NOC3L: variants seen among roughly 807,000 people sequenced by gnomAD.
The protein encoded by NOC3L is nucleolar complex protein 3 homolog.
Under a neutral mutation model 102.5 loss-of-function variants are expected in NOC3L, and 85 were observed. The observed-to-expected ratio is 0.83, with a 90% CI of 0.70 to 0.99. The LOEUF (loss-of-function observed/expected upper bound fraction) is 0.99, where lower values mean the gene tolerates loss of function less well. NOC3L is among the 50% of genes least tolerant of loss of function. The pLI is 0.00. For synonymous variants in NOC3L, 303 were observed against 309.4 expected, an observed-to-expected ratio of 0.98 and a Z score of 0.22; for missense variants, 878 against 914.9, an observed-to-expected ratio of 0.96 and a Z score of 0.52.
At position 94,357,327 on chromosome 10, in the gene NOC3L, G is replaced by A; in HGVS notation, c.355C>T (p.Pro119Ser). The A allele has an allele frequency of 6.3e-7, 1 of 1,584,564 alleles. No homozygotes were observed. The change falls in exon 4 of 21, where the codon CCT becomes TCT. Residue 119 changes from proline to serine, a missense_variant. Coordinates refer to ENST00000371361, the MANE Select transcript of NOC3L (RefSeq NM_022451.11). ...TGCTTCCGTTTCTTCGCATGAACAG[G>A]CTCACTGCAGGGGAAAAAAAGATCA... Reference protein sequence around the residue: ...FLTRDLSSSEPVHAKKRKHER... With the variant: ...FLTRDLSSSESVHAKKRKHER...
rs988063111 is a variant in NOC3L, at chr10:94,344,416, T to C, written c.1570A>G (p.Lys524Glu). The change falls in exon 13 of 21, where the codon AAG (lysine) becomes GAG (glutamate). Residue 524 changes from lysine (K) to glutamate (E), a missense_variant and splice_region_variant. Lys to Glu is a moderately conservative substitution (Grantham distance 56). Transcript: ENST00000371361. ...LLPAVLEGLA[K>E]FAHLINVEFF... ...GATTTCAACCTACACAGCCCTTACT[T>C]GGCAAGACCTTCTAGAACTGCTGGC... 14 of 1,607,736 alleles carry C rather than the reference T, an allele frequency of 8.7e-6. No individual in the cohort carries two copies. The highest frequency in any genetic ancestry group is 1.7e-5 in the Admixed American group (1 of 59,842).
intron 13 of NOC3L, among the ~76,000 whole-genome samples, chr10:94,343,411 C>T (rs957109611): frequency 1.4e-4 from 22 of 152,126 alleles, no homozygotes; most frequent in African/African-American, 5.1e-4. Flanking sequence ...GCAAGTCCTA[C>T]ACAATGTAGG....
rs1296332337 is a variant in NOC3L, at chr10:94,350,150, A to G, written c.1091T>C (p.Val364Ala). The change falls in exon 9 of 21, where the codon GTA (valine) becomes GCA (alanine). Residue 364 changes from valine to alanine, a missense_variant. Coordinates refer to ENST00000371361, the MANE Select transcript of NOC3L (RefSeq NM_022451.11). ...PHFNFHNNII[V>A]LIVPLMNDMS... is the part of the protein sequence containing the mutation. ...GTCATTCATGAGAGGGACAATCAAT[A>G]CGATGATGTTGTTGTGAAAGTTAAA... 1.2e-6 allele frequency: 2 copies of G among 1,614,084 alleles called. No individual in the cohort carries two copies. The highest frequency in any genetic ancestry group is 3.3e-5 in the Admixed American group (2 of 60,000).
chr10:94,332,599 T>G (rs1691581548), downstream of NOC3L: 1 of 151,270 alleles, frequency 6.6e-6, no homozygotes, highest in Non-Finnish European at 1.5e-5. Context: ...ACAAATATAT[T>G]TCCTCAAATT....
chr10:94,334,712 A>G lies in NOC3L; in HGVS notation c.2196T>C (p.Ala732=). 6.2e-7 allele frequency: 1 copy of G among 1,610,184 alleles called. No individual in the cohort carries two copies. Among genetic ancestry groups the G allele is most frequent in the Non-Finnish European group, 8.5e-7 (1 of 1,177,812 alleles). The change falls in exon 20 of 21, where the codon GCT becomes GCC. Residue 732 remains alanine, a synonymous_variant. Transcript: ENST00000371361. ...ALKPELSRRS[A]TELFEAYSMA... is the part of the protein sequence containing the mutation. ...TGCTATATGCCTCAAAAAGTTCAGT[A>G]GCAGATCTAAATCACAAACACAAAA...
intron 1 of NOC3L, among the ~76,000 whole-genome samples, chr10:94,362,139 G>A (rs1405361168): frequency 6.6e-6 from 1 of 152,208 alleles, no homozygotes; most frequent in African/African-American, 2.4e-5. Flanking sequence ...GTAGTGGTAA[G>A]TGGCTATTCA....
chr10:94,352,188 G>T, intron 8 of NOC3L, 122 bp downstream of exon 8: 1 of 574,184 alleles, frequency 1.7e-6, no homozygotes, highest in Non-Finnish European at 2.9e-6. Context: ...CTGGAAGTCT[G>T]ACTCTAGATT....
Position 94,333,673 on chromosome 10 carries a change from T to TAA in NOC3L, c.*503_*504insTT, listed in dbSNP as rs2054185081. On this transcript the variant is annotated 3_prime_UTR_variant, in exon 21 of 21. Coordinates refer to ENST00000371361, the MANE Select transcript of NOC3L (RefSeq NM_022451.11). Reference sequence around the variant, plus strand: ...AATGAACCTGAATACAAGCTATTTTTTTCTTTTCTCAAATATCTTCATAAA... The same window carrying TAA: ...AATGAACCTGAATACAAGCTATTTTTAATTCTTTTCTCAAATATCTTCATAAA... 6.6e-6 allele frequency: 1 copy of TAA among 152,176 alleles called. No homozygotes were observed. The highest frequency in any genetic ancestry group is 2.1e-4 in the South Asian group (1 of 4,832). 9.4% of individuals were successfully genotyped at this position (152,176 alleles called of 1,614,324 possible). A position where few individuals can be genotyped will look rare whatever the true frequency, so the allele number is the denominator to read the frequency against.
intron 5 of NOC3L, among the ~76,000 whole-genome samples, chr10:94,355,392 T>C (rs975365127): frequency 3.9e-5 from 5 of 128,050 alleles, no homozygotes; most frequent in African/African-American, 1.1e-4. Flanking sequence ...ATTCTAGAAC[T>C]TTTTTTTTTT....
At chr10:94,359,598 CA>C (rs910380787) in intron 2 of NOC3L, among the ~76,000 whole-genome samples, 10 of 152,088 alleles carry the variant, frequency 6.6e-5, no homozygotes, top group Non-Finnish European at 1.3e-4. Context: ...AGACATTTCT[CA>C]AAAGAAGACA....
At chr10:94,324,476 G>A in the NOC3L span, 10 of 1,614,036 alleles carry the variant, frequency 6.2e-6, no homozygotes, top group Non-Finnish European at 2.5e-6. Flanking sequence ...TCCTCTCAGC[G>A]GGTCCTTCTG....
intron 9 of NOC3L, 56 bp downstream of exon 9, chr10:94,350,057 C>T (rs1018026944): frequency 3.2e-6 from 5 of 1,556,484 alleles, no homozygotes; most frequent in Admixed American, 1.7e-5. Flanking sequence ...CGTGCCTGGC[C>T]CACATGGTGT....
At chr10:94,351,383 G>C (rs890526185) in intron 8 of NOC3L, among the ~76,000 whole-genome samples, 7 of 152,152 alleles carry the variant, frequency 4.6e-5, no homozygotes, top group African/African-American at 1.7e-4. Context: ...CCTGGCCTAG[G>C]CAACAACTGT....
chr10:94,325,960 A>C, the NOC3L span, among the ~76,000 whole-genome samples: 3 of 152,238 alleles, frequency 2.0e-5, no homozygotes, highest in African/African-American at 7.2e-5. Flanking sequence ...TAACAGCCTC[A>C]ATCTTGGAAA....
the NOC3L span, chr10:94,328,175 A>C: frequency 3.4e-6 from 1 of 294,700 alleles, no homozygotes; most frequent in Non-Finnish European, 7.3e-6. Context: ...CCATTTTATA[A>C]ATGTCAGCAG....
In NOC3L at chr10:94,350,263, T is replaced by A. The variant is rs753715490; in HGVS notation, c.978A>T (p.Lys326Asn). ...ATGCCTTTAAGGAAACTACATTACT[T>A]TTCTTCAGCTTCCTCTGCTTCCAAT... ...VKDWKQRKLK[K>N]SNVVSLKAYK... The change falls in exon 9 of 21, where the codon AAA becomes AAT. Residue 326 changes from lysine (K) to asparagine (N), a missense_variant. Lys to Asn is a moderately conservative substitution (Grantham distance 94, BLOSUM62 0). Coordinates refer to ENST00000371361, the MANE Select transcript of NOC3L (RefSeq NM_022451.11). 2.5e-6 allele frequency: 4 copies of A among 1,614,148 alleles called. No homozygotes were observed. The South Asian group carries it at 4.4e-5, about 18-fold the overall frequency.
At chr10:94,326,486 G>GA in the NOC3L span, among the ~76,000 whole-genome samples, 2 of 152,130 alleles carry the variant, frequency 1.3e-5, no homozygotes, top group Admixed American at 1.3e-4. Flanking sequence ...TCATAGGTGT[G>GA]ATGTTATACA....
chr10:94,322,096 T>A, the NOC3L span: 1 of 1,593,404 alleles, frequency 6.3e-7, no homozygotes, highest in Non-Finnish European at 8.6e-7. Context: ...AGTCCTTTCC[T>A]CAGCATAAAT....
rs567084837 is a variant in NOC3L at position 94,356,739 on chromosome 10, G to A, written c.509-148C>T. The A allele has an allele frequency of 4.0e-5, 24 of 594,640 alleles. No homozygotes were observed. In the East Asian group the frequency reaches 6.0e-4, roughly 15 times the overall value. The allele number at this position is 594,640 out of a possible 1,614,324, so 36.8% of individuals were successfully genotyped here. On this transcript the variant is annotated intron_variant, in intron 4 of 20. Coordinates refer to ENST00000371361, the MANE Select transcript of NOC3L (RefSeq NM_022451.11). ...AATTAGTGATTGAGGTGAGCACAAG[G>A]GAGGATTCTGGAAGCTAGCAGTAGT... is the stretch of plus-strand genomic sequence containing the variant.
Sources: gnomAD v4.1 joint callset for allele counts (sites outside exome capture counted in the v4.1 genomes callset) on GRCh38, gnomAD v4.1.1 for gene constraint, MANE v1.5 for transcripts, NCBI Gene and HGNC (gene_info 2026-07-23, HGNC 2026-07-21) for gene names.